The following AHCTF1 variants were observed in gnomAD, a reference collection of about 807,000 sequenced individuals.
AHCTF1 encodes protein ELYS.
In AHCTF1, 24 loss-of-function variants were observed where a neutral mutation model predicts 248.4. The ratio of observed to expected loss-of-function variants is 0.10; its 90% CI spans 0.07 to 0.14. AHCTF1 has a LOEUF of 0.14. AHCTF1 is among the 10% of genes least tolerant of loss of function. The pLI is 1.00. For synonymous variants in AHCTF1, 786 were observed against 929.8 expected (o/e 0.85, Z 2.81); for missense variants, 2,206 against 2,636.2 (o/e 0.84, Z 3.57).
At chr1:246,883,370 G>A (rs1663594458) in intron 21 of AHCTF1, among the ~76,000 whole-genome samples, 1 of 152,164 alleles carries the variant, frequency 6.6e-6, no homozygotes, top group Non-Finnish European at 1.5e-5. Context: ...GAACAAATTA[G>A]GTGATTATGT....
intron 26 of AHCTF1, 149 bp from the exon 27 acceptor site, chr1:246,864,265 T>C: frequency 2.6e-6 from 2 of 784,028 alleles, no homozygotes; most frequent in Non-Finnish European, 3.9e-6. Context: ...AGTGCTACCA[T>C]GCATTCAAAA....
At chr1:246,862,692 T>G (rs1261982874) in intron 27 of AHCTF1, among the ~76,000 whole-genome samples, 2 of 150,670 alleles carry the variant, frequency 1.3e-5, no homozygotes, top group Non-Finnish European at 3.0e-5. Context: ...ATTTCCAACT[T>G]AAATTCAACT....
At position 246,890,052 on chromosome 1, in the gene AHCTF1, A is replaced by G; in HGVS notation, c.2058T>C (p.Ser686=). 6.2e-7 allele frequency: 1 copy of G among 1,608,720 alleles called. No individual in the cohort carries two copies. Among genetic ancestry groups the G allele is most frequent in the Non-Finnish European group, 8.5e-7 (1 of 1,176,680 alleles). The change falls in exon 17 of 36, where the codon TCT becomes TCC. Residue 686 remains serine (S), a synonymous_variant. Transcript: ENST00000648844. The part of the protein sequence containing the change: ...SGLLPEGIDD[S]VQLSRLCYNY... ...TGTAGCATAACCTTGACAACTGCAC[A>G]GAATCATCTAGATTTTTAAGAGTTG...
At chr1:246,892,472 C>T (rs1387446057) in intron 14 of AHCTF1, among the ~76,000 whole-genome samples, 1 of 151,766 alleles carries the variant, frequency 6.6e-6, no homozygotes, top group East Asian at 1.9e-4. Context: ...AGGCATGTGC[C>T]ACAACACCCA....
chr1:246,913,097 CTTT>C, intron 4 of AHCTF1, 132 bp downstream of exon 4: 1 of 601,364 alleles, frequency 1.7e-6, no homozygotes, highest in Non-Finnish European at 2.6e-6. Flanking sequence ...TTTAAAATAC[CTTT>C]TTTTTTTTTA....
chr1:246,928,411 G>A (rs947246526), intron 1 of AHCTF1, among the ~76,000 whole-genome samples: 1 of 152,012 alleles, frequency 6.6e-6, no homozygotes. Context: ...ATTCGACAAG[G>A]TCACAGTGCC....
chr1:246,872,051 CAAAAAAAAAA>C (rs753977798), intron 24 of AHCTF1, among the ~76,000 whole-genome samples: 1 of 83,732 alleles, frequency 1.2e-5, no homozygotes, highest in Non-Finnish European at 2.7e-5. Context: ...CTATTAATGA[CAAAAAAAAAA>C]AAAAAAAAAG....
At chr1:246,898,621 AACACACACACACACACACACACAC>A (rs74163703) in intron 11 of AHCTF1, among the ~76,000 whole-genome samples, 2,445 of 147,084 alleles carry the variant, frequency 0.017, 51 homozygotes, top group Non-Finnish European at 0.022. Context: ...ATCTTGACAA[AACACACACACACACACACACACAC>A]ACACACACAC....
At chr1:246,904,560 G>C (rs12691532) in intron 6 of AHCTF1, among the ~76,000 whole-genome samples, 35,376 of 152,090 alleles carry the variant, frequency 0.23, 4,279 homozygotes, top group Admixed American at 0.26. Flanking sequence ...AAGGACAATG[G>C]GGAGTATGGG....
chr1:246,916,654 A>AAAT (rs752933675), intron 2 of AHCTF1, among the ~76,000 whole-genome samples: 93 of 152,162 alleles, frequency 6.1e-4, no homozygotes, highest in Non-Finnish European at 9.1e-4. Flanking sequence ...ACTTCATCTC[A>AAAT]AATAATAATA....
At chr1:246,928,003 A>AT (rs1465186853) in intron 1 of AHCTF1, among the ~76,000 whole-genome samples, 3 of 151,998 alleles carry the variant, frequency 2.0e-5, no homozygotes, top group African/African-American at 7.3e-5. Flanking sequence ...CGCCACCAAA[A>AT]AATTAATTAA....
chr1:246,928,371 G>C (rs1667102008), intron 1 of AHCTF1, among the ~76,000 whole-genome samples: 1 of 151,504 alleles, frequency 6.6e-6, no homozygotes, highest in Non-Finnish European at 1.5e-5. Context: ...ATTCCTAAAA[G>C]GCAAAAATCA....
intron 19 of AHCTF1, 71 bp downstream of exon 19, chr1:246,888,106 G>A: frequency 6.5e-7 from 1 of 1,527,296 alleles, no homozygotes. Flanking sequence ...AGATATGTCA[G>A]GTTTCCACTA....
chr1:246,903,294 C>T (rs756255457), intron 7 of AHCTF1, among the ~76,000 whole-genome samples: 2 of 152,072 alleles, frequency 1.3e-5, no homozygotes, highest in African/African-American at 2.4e-5. Context: ...AGCCCAGACG[C>T]GTATGTCCTC....
At chr1:246,879,037 AAT>A (rs571886017) in intron 21 of AHCTF1, among the ~76,000 whole-genome samples, 102 of 152,306 alleles carry the variant, frequency 6.7e-4, no homozygotes, top group African/African-American at 2.3e-3. Flanking sequence ...TATAAAGAAA[AAT>A]AGAGGATAAG....
intron 14 of AHCTF1, among the ~76,000 whole-genome samples, chr1:246,894,038 T>C (rs1664398336): frequency 6.6e-6 from 1 of 151,982 alleles, no homozygotes; most frequent in African/African-American, 2.4e-5. Flanking sequence ...ACCATGTCTC[T>C]ACAAAAAATA....
rs1427750861 is a variant in AHCTF1 at position 246,867,898 on chromosome 1, C to G, written c.3089-87G>C. On this transcript the variant is annotated intron_variant, in intron 24 of 35. Transcript: ENST00000648844. The stretch of plus-strand genomic sequence containing the variant: ...ATATGAAAGAATGATTACACCCCCC[C>G]CCCCACACACACACACACACACATT... 6 of 566,702 alleles carry G rather than the reference C, an allele frequency of 1.1e-5. No individual in the cohort carries two copies. In the African/African-American group the frequency reaches 1.4e-4, roughly 13 times the overall value. 35.1% of individuals were successfully genotyped at this position (566,702 alleles called of 1,614,324 possible). A position where few individuals can be genotyped will look rare whatever the true frequency, so the allele number is the denominator to read the frequency against.
intron 30 of AHCTF1, among the ~76,000 whole-genome samples, chr1:246,856,384 C>T (rs892910584): frequency 6.6e-6 from 1 of 152,122 alleles, no homozygotes; most frequent in Non-Finnish European, 1.5e-5. Flanking sequence ...AAAATTACAA[C>T]AAATAGTATT....
chr1:246,862,187 A>T (rs770269173), intron 27 of AHCTF1, 34 bp from the exon 28 acceptor site: 33 of 1,561,698 alleles, frequency 2.1e-5, no homozygotes, highest in Non-Finnish European at 2.9e-5. Flanking sequence ...TACACCATTA[A>T]AAGTGCTTAT....
Sources: gnomAD v4.1 joint callset for allele counts (sites outside exome capture counted in the v4.1 genomes callset) on GRCh38, gnomAD v4.1.1 for gene constraint, MANE v1.5 for transcripts, NCBI Gene and HGNC (gene_info 2026-07-23, HGNC 2026-07-21) for gene names.